The following LRMDA variants were observed in gnomAD, a reference collection of about 807,000 sequenced individuals.
LRMDA encodes leucine-rich melanocyte differentiation-associated protein.
In LRMDA, 18 loss-of-function variants were observed where a neutral mutation model predicts 29.8. The ratio of observed to expected loss-of-function variants is 0.60; its 90% confidence interval spans 0.42 to 0.90. The LOEUF (loss-of-function observed/expected upper bound fraction) is 0.90, where lower values mean the gene tolerates loss of function less well. LRMDA is among the 40% of genes least tolerant of loss of function. The probability of loss-of-function intolerance (pLI) is 0.00; values close to 1 mark genes in which losing one functional copy is unlikely to be tolerated. For missense variants in LRMDA, 273 were observed against 273.9 expected, an observed-to-expected ratio of 1.00 and a Z score of 0.02; for synonymous variants, 125 against 109.4, an observed-to-expected ratio of 1.14 and a Z score of -0.89.
At chr10:76,398,551 C>A (rs1379290897) in intron 6 of LRMDA, among the ~76,000 whole-genome samples, 2 of 152,308 alleles carry the variant, frequency 1.3e-5, no homozygotes, top group East Asian at 1.9e-4. Flanking sequence ...TTCTGCCAAG[C>A]CTCTGCTGAT....
chr10:76,414,675 T>G (rs1841996755), intron 6 of LRMDA, among the ~76,000 whole-genome samples: 3 of 152,208 alleles, frequency 2.0e-5, no homozygotes, highest in African/African-American at 7.2e-5. Flanking sequence ...TATATTCCTC[T>G]GTGTTCTCCT....
At chr10:75,696,808 G>C (rs1842240988) in intron 2 of LRMDA, among the ~76,000 whole-genome samples, 1 of 152,152 alleles carries the variant, frequency 6.6e-6, no homozygotes. Context: ...TGTAATCTTG[G>C]AAGCCCCAAC....
intron 5 of LRMDA, among the ~76,000 whole-genome samples, chr10:76,079,338 G>A (rs192407349): frequency 7.6e-4 from 115 of 152,282 alleles, no homozygotes; most frequent in African/African-American, 2.7e-3. Context: ...ATAGAGAGTT[G>A]GGTGTGCAGT....
At chr10:75,749,937 G>A (rs1332219031) in intron 2 of LRMDA, among the ~76,000 whole-genome samples, 1 of 152,114 alleles carries the variant, frequency 6.6e-6, no homozygotes, top group African/African-American at 2.4e-5. Flanking sequence ...AGAGAGCACG[G>A]GGTTGGGGGT....
intron 2 of LRMDA, among the ~76,000 whole-genome samples, chr10:75,597,273 A>G (rs1346582069): frequency 6.6e-6 from 1 of 152,188 alleles, no homozygotes; most frequent in Non-Finnish European, 1.5e-5. Flanking sequence ...ATGTAACGTG[A>G]TCATTTTTAG....
At chr10:76,494,490 A>C (rs1484565956) in intron 6 of LRMDA, among the ~76,000 whole-genome samples, 1 of 151,716 alleles carries the variant, frequency 6.6e-6, no homozygotes, top group African/African-American at 2.4e-5. Flanking sequence ...TGATATTGAT[A>C]ATTTATCTAT....
intron 5 of LRMDA, among the ~76,000 whole-genome samples, chr10:76,295,360 T>C (rs1840398822): frequency 6.6e-6 from 1 of 152,184 alleles, no homozygotes; most frequent in Non-Finnish European, 1.5e-5. Flanking sequence ...CCTTGCAGGA[T>C]GCAAGGACTC....
At chr10:75,676,194 C>T (rs1841957920) in intron 2 of LRMDA, among the ~76,000 whole-genome samples, 1 of 152,270 alleles carries the variant, frequency 6.6e-6, no homozygotes, top group Non-Finnish European at 1.5e-5. Context: ...CTGGGTGTGG[C>T]CTTACTCCTG....
At chr10:76,170,719 A>C (rs1218710288) in intron 5 of LRMDA, among the ~76,000 whole-genome samples, 2 of 152,236 alleles carry the variant, frequency 1.3e-5, no homozygotes, top group African/African-American at 4.8e-5. Flanking sequence ...TAAAATTTTA[A>C]AATTCTATAA....
chr10:76,216,116 G>C (rs970695516), intron 5 of LRMDA, among the ~76,000 whole-genome samples: 1 of 152,204 alleles, frequency 6.6e-6, no homozygotes, highest in Non-Finnish European at 1.5e-5. Flanking sequence ...CATTTTGGGA[G>C]GCCAACACAG....
chr10:75,671,294 C>G (rs942651959), intron 2 of LRMDA, among the ~76,000 whole-genome samples: 4 of 152,172 alleles, frequency 2.6e-5, no homozygotes, highest in African/African-American at 9.6e-5. Context: ...GTTTTCAGGA[C>G]TGTACTGCTG....
At chr10:76,106,466 A>G (rs1035071799) in intron 5 of LRMDA, among the ~76,000 whole-genome samples, 2 of 152,226 alleles carry the variant, frequency 1.3e-5, no homozygotes, top group Non-Finnish European at 2.9e-5. Flanking sequence ...GTCTTTAGCC[A>G]TGAAATATCC....
intron 6 of LRMDA, among the ~76,000 whole-genome samples, chr10:76,383,491 C>T (rs555655930): frequency 1.1e-4 from 15 of 136,760 alleles, no homozygotes; most frequent in Middle Eastern, 4.1e-3. Flanking sequence ...ACTGCAGTGG[C>T]GCAATCTCGG....
chr10:75,498,882 A>T (rs1845079302), intron 2 of LRMDA, among the ~76,000 whole-genome samples: 1 of 152,134 alleles, frequency 6.6e-6, no homozygotes, highest in Admixed American at 6.6e-5. Context: ...TCTCCGTCTC[A>T]GAAGCCTAAA....
At chr10:75,732,783 CTGGATACCCACAG>C (rs1191488110) in intron 2 of LRMDA, among the ~76,000 whole-genome samples, 2 of 152,156 alleles carry the variant, frequency 1.3e-5, no homozygotes, top group Non-Finnish European at 2.9e-5. Flanking sequence ...TGATAGAGTT[CTGGATACCCACAG>C]TGGAACTTAG....
intron 2 of LRMDA, among the ~76,000 whole-genome samples, chr10:75,792,446 G>A (rs2132253483): frequency 6.6e-6 from 1 of 152,234 alleles, no homozygotes; most frequent in South Asian, 2.1e-4. Context: ...TGTATTTTTA[G>A]TAGAGATGGG....
intron 6 of LRMDA, among the ~76,000 whole-genome samples, chr10:76,455,567 A>G (rs1362197154): frequency 1.3e-5 from 2 of 152,222 alleles, no homozygotes; most frequent in Admixed American, 1.3e-4. Context: ...TTAAGGGTCT[A>G]TGCTAGAACA....
chr10:75,647,106 C>T (rs908690120), intron 2 of LRMDA, among the ~76,000 whole-genome samples: 13 of 152,148 alleles, frequency 8.5e-5, no homozygotes, highest in African/African-American at 1.9e-4. Flanking sequence ...CGGACCTCCC[C>T]GGCTCTTGCT....
intron 5 of LRMDA, among the ~76,000 whole-genome samples, chr10:76,139,557 T>G (rs1285954637): frequency 6.6e-6 from 1 of 152,206 alleles, no homozygotes; most frequent in Non-Finnish European, 1.5e-5. Flanking sequence ...AGGCAATATG[T>G]TGCCATCTAA....
Sources: gnomAD v4.1 joint callset for allele counts (sites outside exome capture counted in the v4.1 genomes callset) on GRCh38, gnomAD v4.1.1 for gene constraint, MANE v1.5 for transcripts, NCBI Gene and HGNC (gene_info 2026-07-23, HGNC 2026-07-21) for gene names.